Variants in INTS8 observed in about 807,000 individuals in gnomAD.
The protein encoded by INTS8 is protein kaonashi-1.
INTS8 carries 47 observed loss-of-function variants against 138.9 expected under a neutral mutation model. The ratio of observed to expected loss-of-function variants is 0.34; its 90% CI spans 0.27 to 0.43. The LOEUF (loss-of-function observed/expected upper bound fraction) is 0.43, where lower values mean the gene tolerates loss of function less well. Ranked by LOEUF, INTS8 falls within the 20% of genes least tolerant of loss-of-function variation. INTS8 has a pLI of 1.00. For missense variants in INTS8, 996 were observed against 1,173.0 expected, an observed-to-expected ratio of 0.85 and a Z score of 2.20; for synonymous variants, 392 against 400.9, an observed-to-expected ratio of 0.98 and a Z score of 0.27.
chr8:94,840,916 T>A (rs1301188223), intron 8 of INTS8, among the ~76,000 whole-genome samples: 2 of 149,162 alleles, frequency 1.3e-5, no homozygotes, highest in African/African-American at 4.9e-5. Flanking sequence ...AATAATAATT[T>A]TTTTTTTTTT....
chr8:94,829,689 A>G (rs768643803), intron 5 of INTS8, among the ~76,000 whole-genome samples: 4 of 152,012 alleles, frequency 2.6e-5, no homozygotes, highest in Non-Finnish European at 5.9e-5. Context: ...TAAGGTTTTT[A>G]CTATTAGGAT....
chr8:94,842,073 GA>G lies in INTS8; in HGVS notation c.1119-259del, dbSNP rs796273255. On this transcript the variant is annotated intron_variant, in intron 9 of 26. Transcript: ENST00000523731. ...GACAAAGCAAGACTCCGTCTCAAAA[GA>G]AAAAAAAAAAAAAACTGCTTGGGAG... Among the ~76,000 whole-genome samples the G allele has an allele frequency of 4.7e-3, 544 of 116,000 alleles. 8 individuals carry two copies. The highest frequency in any genetic ancestry group is 0.014 in the African/African-American group (447 of 31,790). The allele number at this position is 116,000 out of a possible 152,430, so 76.1% of individuals were successfully genotyped here.
intron 24 of INTS8, 30 bp from the exon 25 acceptor site, chr8:94,876,191 C>T (rs1157020016): frequency 3.6e-5 from 57 of 1,605,410 alleles, no homozygotes; most frequent in Non-Finnish European, 4.5e-5. Context: ...CATTTTTCTG[C>T]TTAAGAAGTA....
intron 14 of INTS8, among the ~76,000 whole-genome samples, chr8:94,854,360 T>C (rs181876488): frequency 1.3e-5 from 2 of 152,356 alleles, no homozygotes; most frequent in South Asian, 2.1e-4. Context: ...TTTGTTCTTT[T>C]TGCTTTACCG....
At chr8:94,847,472 C>T (rs1161382999) in intron 10 of INTS8, among the ~76,000 whole-genome samples, 2 of 152,032 alleles carry the variant, frequency 1.3e-5, no homozygotes, top group African/African-American at 4.8e-5. Flanking sequence ...GAAGTCATTG[C>T]TTCTTTCAGT....
At chr8:94,829,722 C>T (rs1563640892) in intron 5 of INTS8, among the ~76,000 whole-genome samples, 1 of 152,130 alleles carries the variant, frequency 6.6e-6, no homozygotes, top group African/African-American at 2.4e-5. Context: ...CTAAATCACA[C>T]ATAGTCTTTC....
chr8:94,874,165 C>A (rs919544938), intron 22 of INTS8, among the ~76,000 whole-genome samples: 3 of 151,826 alleles, frequency 2.0e-5, no homozygotes, highest in Admixed American at 2.0e-4. Flanking sequence ...TAGACTTTTT[C>A]TATCTAATTG....
intron 6 of INTS8, among the ~76,000 whole-genome samples, chr8:94,833,782 C>G (rs1814814754): frequency 6.6e-6 from 1 of 152,052 alleles, no homozygotes; most frequent in Non-Finnish European, 1.5e-5. Flanking sequence ...CAATGTTTTT[C>G]TTTTTTGAGA....
At chr8:94,879,225 C>T (rs10956929) in intron 26 of INTS8, among the ~76,000 whole-genome samples, 114,636 of 152,136 alleles carry the variant, frequency 0.75, 43,272 homozygotes, top group Middle Eastern at 0.84. Flanking sequence ...TCCTATTCCC[C>T]AACTTCCCAT....
rs1816481971 is a variant in INTS8 at position 94,873,708 on chromosome 8, T to C, written c.2637+231T>C. The C allele has an allele frequency of 1.1e-5, 5 of 438,632 alleles. No homozygotes were observed. The Admixed American group carries it at 2.0e-4, about 17-fold the overall frequency. 27.2% of individuals were successfully genotyped at this position (438,632 alleles called of 1,614,324 possible). The stretch of plus-strand genomic sequence containing the variant: ...CAACTTGTCCAAACTGATTTGTGTC[T>C]GTCTTTACCATAAAGTAATAAACTC... On this transcript the variant is annotated intron_variant, in intron 22 of 26. Coordinates refer to ENST00000523731, the MANE Select transcript of INTS8 (RefSeq NM_017864.4).
At position 94,875,976 on chromosome 8, in the gene INTS8, A is replaced by G. The variant is rs1488875971; in HGVS notation, c.2689-98A>G. ...GAATCCATAACTATGAGCGGATTCAATGTGATCTATAAGGCTTAATATAAG... is the reference window on the plus strand; with the variant it reads ...GAATCCATAACTATGAGCGGATTCAGTGTGATCTATAAGGCTTAATATAAG... On this transcript the variant is annotated intron_variant, in intron 23 of 26. Transcript: ENST00000523731. The G allele has an allele frequency of 3.3e-5, 27 of 814,118 alleles. No homozygotes were observed. The Admixed American group carries it at 4.5e-4, about 14-fold the overall frequency. The allele number at this position is 814,118 out of a possible 1,614,324, so 50.4% of individuals were successfully genotyped here.
chr8:94,865,639 G>C lies in INTS8; in HGVS notation c.2210G>C (p.Gly737Ala). ...AGTCAGCACAAACGAGGAAATGATG[G>C]CAGAGTTAGTTTAATAAAACAGAGG... ...VSSQHKRGND[G>A]RVSLIKQRES... The change falls in exon 17 of 27, where the codon GGC (glycine) becomes GCC (alanine). Residue 737 changes from glycine to alanine, a missense_variant. Gly to Ala is a moderately conservative substitution (Grantham distance 60, BLOSUM62 0). Coordinates refer to ENST00000523731, the MANE Select transcript of INTS8 (RefSeq NM_017864.4). The C allele has an allele frequency of 1.2e-6, 2 of 1,614,120 alleles. No individual in the cohort carries two copies. The highest frequency in any genetic ancestry group is 2.2e-5 in the South Asian group (2 of 91,088).
At chr8:94,834,033 A>G (rs1290261620) in intron 6 of INTS8, among the ~76,000 whole-genome samples, 1 of 152,120 alleles carries the variant, frequency 6.6e-6, no homozygotes, top group Non-Finnish European at 1.5e-5. Flanking sequence ...CGGCCTCCCA[A>G]AGTGCTGGGA....
chr8:94,855,319 TG>T (rs1815704813), intron 14 of INTS8, among the ~76,000 whole-genome samples: 1 of 152,192 alleles, frequency 6.6e-6, no homozygotes, highest in Admixed American at 6.5e-5. Flanking sequence ...TATAAAAAGT[TG>T]GGATGTTTTG....
intron 14 of INTS8, among the ~76,000 whole-genome samples, chr8:94,854,207 GA>G (rs770693182): frequency 3.2e-3 from 353 of 110,818 alleles, no homozygotes; most frequent in Middle Eastern, 9.9e-3. Context: ...GTCCATCTCG[GA>G]AAAAAAAAAA....
Position 94,865,674 on chromosome 8 carries a change from T to A in INTS8, c.2245T>A (p.Leu749Ile). The A allele has an allele frequency of 6.2e-7, 1 of 1,613,962 alleles. No individual in the cohort carries two copies. ...TTTAATAAAACAGAGGGAATCTACG[T>A]TAGGTATCATGTATCGGTATGTATT... ...VSLIKQREST[L>I]GIMYRSELLS... The change falls in exon 17 of 27, where the codon TTA (leucine) becomes ATA (isoleucine). Residue 749 changes from leucine (L) to isoleucine (I), a missense_variant. Coordinates refer to ENST00000523731, the MANE Select transcript of INTS8 (RefSeq NM_017864.4).
At chr8:94,863,216 A>T (rs1816058412) in intron 16 of INTS8, among the ~76,000 whole-genome samples, 2 of 152,168 alleles carry the variant, frequency 1.3e-5, no homozygotes, top group Admixed American at 6.5e-5. Context: ...TAGGTTGTTC[A>T]TGTGGCCTAC....
intron 10 of INTS8, among the ~76,000 whole-genome samples, chr8:94,847,225 A>G (rs1044161986): frequency 5.3e-5 from 8 of 151,978 alleles, no homozygotes; most frequent in African/African-American, 1.9e-4. Context: ...TAGTTTTATT[A>G]GAGACGGGGT....
chr8:94,878,020 T>C (rs1352422889), intron 26 of INTS8, among the ~76,000 whole-genome samples: 1 of 152,208 alleles, frequency 6.6e-6, no homozygotes, highest in Non-Finnish European at 1.5e-5. Context: ...ATGAACCAGG[T>C]GTGGGAACCC....
Sources: gnomAD v4.1 joint callset for allele counts (sites outside exome capture counted in the v4.1 genomes callset) on GRCh38, gnomAD v4.1.1 for gene constraint, MANE v1.5 for transcripts, NCBI Gene and HGNC (gene_info 2026-07-23, HGNC 2026-07-21) for gene names.